IL1RAPL1: variants seen among roughly 807,000 people sequenced by gnomAD.
The protein encoded by IL1RAPL1 is interleukin 1 receptor accessory protein like 1, also known as interleukin-1 receptor accessory protein-like 1.
IL1RAPL1 carries 3 observed loss-of-function variants against 48.4 expected under a neutral mutation model. The ratio of observed to expected loss-of-function variants is 0.06; its 90% CI spans 0.03 to 0.16. IL1RAPL1 has a LOEUF of 0.16. IL1RAPL1 is among the 10% of genes least tolerant of loss of function. The probability of loss-of-function intolerance (pLI) is 1.00; values close to 1 mark genes in which losing one functional copy is unlikely to be tolerated. For synonymous variants in IL1RAPL1, 185 were observed against 187.7 expected (o/e 0.99, Z 0.12); for missense variants, 349 against 530.6 (o/e 0.66, Z 3.36).
chrX:29,273,749 T>C (rs768484647), intron 2 of IL1RAPL1, among the ~76,000 whole-genome samples: 2 of 110,431 alleles, frequency 1.8e-5, no homozygotes, highest in South Asian at 7.9e-4. Flanking sequence ...AGAGGCAGGG[T>C]TTCCTGTGCC....
Position 29,277,932 on chromosome X carries a change from T to C in IL1RAPL1, c.83-5006T>C, listed in dbSNP as rs372044827. Among the ~76,000 whole-genome samples the C allele has an allele frequency of 4.5e-5, 5 of 112,035 alleles. No homozygotes were observed. The East Asian group carries it at 1.4e-3, about 31-fold the overall frequency. On this transcript the variant is annotated intron_variant, in intron 2 of 10. Transcript: ENST00000378993. Reference sequence around the variant, plus strand: ...GTGTTCTGTGAATCTACATTTTGACTGTAACCCATCACCTGAGGTCAGGTG... The same window carrying C: ...GTGTTCTGTGAATCTACATTTTGACCGTAACCCATCACCTGAGGTCAGGTG...
chrX:29,064,215 A>G (rs58743188), intron 2 of IL1RAPL1, among the ~76,000 whole-genome samples: 4,903 of 112,121 alleles, frequency 0.044, 110 homozygotes, highest in Middle Eastern at 0.069. Context: ...AAGAGGTGGA[A>G]ACACACGCTA....
intron 2 of IL1RAPL1, among the ~76,000 whole-genome samples, chrX:29,003,196 T>C (rs2147389514): frequency 8.9e-6 from 1 of 111,791 alleles, no homozygotes; most frequent in East Asian, 2.8e-4. Context: ...GCATAGACTC[T>C]TCCATGTACA....
chrX:29,602,383 G>A (rs1923754763), intron 5 of IL1RAPL1, among the ~76,000 whole-genome samples: 1 of 111,774 alleles, frequency 8.9e-6, no homozygotes, highest in African/African-American at 3.3e-5. Context: ...GTTCCACACT[G>A]TGTTTTTGAC....
intron 2 of IL1RAPL1, among the ~76,000 whole-genome samples, chrX:29,270,537 G>A (rs1486873708): frequency 8.9e-6 from 1 of 111,981 alleles, no homozygotes; most frequent in African/African-American, 3.2e-5. Context: ...AGAGTATCTT[G>A]TCTGCACTGA....
chrX:29,885,899 G>A (rs1395149540), intron 6 of IL1RAPL1, among the ~76,000 whole-genome samples: 1 of 111,977 alleles, frequency 8.9e-6, no homozygotes, highest in East Asian at 2.8e-4. Flanking sequence ...GTGCAAAACT[G>A]AATGGTTTAT....
intron 6 of IL1RAPL1, among the ~76,000 whole-genome samples, chrX:29,870,031 A>T (rs955610828): frequency 3.6e-5 from 4 of 111,843 alleles, no homozygotes; most frequent in East Asian, 2.8e-4. Flanking sequence ...CTCAGAAGGC[A>T]GCCAGAAAGG....
At chrX:29,626,329 C>A (rs1451036651) in intron 5 of IL1RAPL1, among the ~76,000 whole-genome samples, 1 of 112,030 alleles carries the variant, frequency 8.9e-6, no homozygotes, top group Non-Finnish European at 1.9e-5. Context: ...TCTTCATAAA[C>A]CCTTCTGTAG....
intron 1 of IL1RAPL1, among the ~76,000 whole-genome samples, chrX:28,718,351 AT>A (rs1467847196): frequency 1.4e-4 from 16 of 111,897 alleles, no homozygotes; most frequent in African/African-American, 5.2e-4. Flanking sequence ...AACCAGACTA[AT>A]TTGCTTTATT....
rs760556599 is a variant in IL1RAPL1, at chrX:29,639,894, T to C, written c.704-28536T>C. Among the ~76,000 whole-genome samples, 14 of 111,634 alleles carry C rather than the reference T, an allele frequency of 1.3e-4. No individual in the cohort carries two copies. The East Asian group carries it at 2.5e-3, about 20-fold the overall frequency. On this transcript the variant is annotated intron_variant, in intron 5 of 10. Transcript: ENST00000378993. Reference sequence around the variant, plus strand: ...AGGAAGTATATTATAGGTGGCCTGGTATTTTGCAGGCTCTTCTGAGCCAGA... The same window carrying C: ...AGGAAGTATATTATAGGTGGCCTGGCATTTTGCAGGCTCTTCTGAGCCAGA...
chrX:28,600,205 C>T (rs757860787), intron 1 of IL1RAPL1, among the ~76,000 whole-genome samples: 5 of 111,903 alleles, frequency 4.5e-5, no homozygotes, highest in South Asian at 7.5e-4. Flanking sequence ...GCTGTGAAAT[C>T]GTAAACATTT....
chrX:28,820,302 C>T lies in IL1RAPL1; in HGVS notation c.82+30877C>T, dbSNP rs1159525489. 4.6e-5 allele frequency among the ~76,000 whole-genome samples: 5 copies of T among 109,236 alleles called. No individual in the cohort carries two copies. In the Admixed American group the frequency reaches 4.9e-4, roughly 11 times the overall value. 94.9% of individuals were successfully genotyped at this position (109,236 alleles called of 115,157 possible). On this transcript the variant is annotated intron_variant, in intron 2 of 10. Transcript: ENST00000378993. ...TAAATGACTATTTTTGAAAATGACC[C>T]TCAAGATAATCTATACCTGCTTCTT...
intron 2 of IL1RAPL1, among the ~76,000 whole-genome samples, chrX:28,988,988 T>C (rs1229200933): frequency 1.8e-5 from 2 of 112,202 alleles, no homozygotes; most frequent in Non-Finnish European, 3.8e-5. Flanking sequence ...TGCAGAACTC[T>C]AGAAGTATTT....
At chrX:29,540,226 T>A (rs1006476554) in intron 5 of IL1RAPL1, among the ~76,000 whole-genome samples, 1 of 107,848 alleles carries the variant, frequency 9.3e-6, no homozygotes, top group African/African-American at 3.5e-5. Flanking sequence ...ACCAAGAAGA[T>A]GAAAGATCTC....
intron 2 of IL1RAPL1, among the ~76,000 whole-genome samples, chrX:29,152,626 C>G (rs746255395): frequency 3.7e-4 from 41 of 112,077 alleles, no homozygotes; most frequent in Non-Finnish European, 5.6e-4. Context: ...GACAACATAA[C>G]AACTTGTGAT....
chrX:28,626,599 C>T (rs1260949499), intron 1 of IL1RAPL1, among the ~76,000 whole-genome samples: 1 of 112,449 alleles, frequency 8.9e-6, no homozygotes, highest in Non-Finnish European at 1.9e-5. Context: ...TACTACTCTA[C>T]TGAGTGTCAA....
Position 29,006,999 on chromosome X carries a change from T to C in IL1RAPL1, c.82+217574T>C, listed in dbSNP as rs184563211. Among the ~76,000 whole-genome samples, 504 of 111,317 alleles carry C rather than the reference T, an allele frequency of 4.5e-3. 3 individuals are homozygous for C. The highest frequency in any genetic ancestry group is 0.016 in the African/African-American group (481 of 30,719). The stretch of plus-strand genomic sequence containing the variant: ...GGTGTTTCAAAATTTGGAATTTGAC[T>C]CTGCATGTAGCAATTGGTATGTGTT... On this transcript the variant is annotated intron_variant, in intron 2 of 10. Coordinates refer to ENST00000378993, the MANE Select transcript of IL1RAPL1 (RefSeq NM_014271.4).
intron 3 of IL1RAPL1, among the ~76,000 whole-genome samples, chrX:29,322,448 A>G (rs1932810649): frequency 9.0e-6 from 1 of 110,665 alleles, no homozygotes; most frequent in African/African-American, 3.3e-5. Flanking sequence ...TATTTTTAGT[A>G]GAGATGAGGT....
At chrX:28,737,906 T>G (rs911583665) in intron 1 of IL1RAPL1, among the ~76,000 whole-genome samples, 2 of 110,795 alleles carry the variant, frequency 1.8e-5, no homozygotes, top group Non-Finnish European at 1.9e-5. Flanking sequence ...TGACCGAGGC[T>G]TCTTACTGTT....
Sources: allele counts gnomAD v4.1 joint callset (sites outside exome capture counted in the v4.1 genomes callset), GRCh38; gene constraint gnomAD v4.1.1; transcripts MANE v1.5; gene names NCBI Gene and HGNC (gene_info 2026-07-23, HGNC 2026-07-21).